Variants in ANO10 observed in about 807,000 individuals in gnomAD.
The protein encoded by ANO10 is anoctamin 10, also known as anoctamin-10.
In ANO10, 77 loss-of-function variants were observed where a neutral mutation model predicts 74.7. That is an observed-to-expected ratio of 1.03 (90% confidence interval 0.86 to 1.25). ANO10 has a LOEUF of 1.25. Ranked by LOEUF, ANO10 falls within the 50% of genes most tolerant of loss-of-function variation. The probability of loss-of-function intolerance (pLI) is 0.00; values close to 1 mark genes in which losing one functional copy is unlikely to be tolerated. For missense variants in ANO10, 721 were observed against 778.1 expected (o/e 0.93, Z 0.87); for synonymous variants, 279 against 284.9 (o/e 0.98, Z 0.21).
At chr3:43,536,083 TAA>T (rs2078697718) in intron 11 of ANO10, among the ~76,000 whole-genome samples, 1 of 152,262 alleles carries the variant, frequency 6.6e-6, no homozygotes, top group Non-Finnish European at 1.5e-5. Context: ...CTTAAACTCT[TAA>T]AAAGTTTCTT....
At chr3:43,575,011 T>C in intron 6 of ANO10, 147 bp from the exon 7 acceptor site, 1 of 703,578 alleles carries the variant, frequency 1.4e-6, no homozygotes, top group East Asian at 2.7e-5. Flanking sequence ...ATCACAGCTA[T>C]GCCTTACCAC....
chr3:43,555,578 G>T, intron 9 of ANO10, 109 bp from the exon 10 acceptor site: 2 of 1,102,194 alleles, frequency 1.8e-6, no homozygotes, highest in Non-Finnish European at 2.6e-6. Context: ...ACCTCAAAGA[G>T]TTTCCCCACC....
chr3:43,609,229 G>C (rs1235012164), intron 1 of ANO10, among the ~76,000 whole-genome samples: 1 of 152,148 alleles, frequency 6.6e-6, no homozygotes, highest in Admixed American at 6.6e-5. Context: ...AGAGTCATTA[G>C]AGATATCCAA....
chr3:43,640,160 T>A (rs2083657183), intron 1 of ANO10, among the ~76,000 whole-genome samples: 1 of 152,324 alleles, frequency 6.6e-6, no homozygotes, highest in South Asian at 2.1e-4. Flanking sequence ...TCTTTATATT[T>A]AATGGGTTTC....
At chr3:43,548,874 G>A (rs546869282) in intron 11 of ANO10, among the ~76,000 whole-genome samples, 72 of 152,102 alleles carry the variant, frequency 4.7e-4, no homozygotes, top group Non-Finnish European at 1.0e-3. Flanking sequence ...AAAGAAAAAC[G>A]TAAAAAGAGC....
At chr3:43,419,644 T>C (rs530211237) in intron 12 of ANO10, among the ~76,000 whole-genome samples, 1 of 152,134 alleles carries the variant, frequency 6.6e-6, no homozygotes, top group South Asian at 2.1e-4. Flanking sequence ...GCCTCCTCAG[T>C]AGCTGGGACT....
intron 7 of ANO10, among the ~76,000 whole-genome samples, chr3:43,567,551 T>G (rs1463677240): frequency 6.6e-6 from 1 of 151,762 alleles, no homozygotes; most frequent in Admixed American, 6.6e-5. Context: ...AGAAAAGAAT[T>G]TTCAACCCAG....
chr3:43,379,997 C>T (rs183368079), intron 12 of ANO10, among the ~76,000 whole-genome samples: 33 of 151,704 alleles, frequency 2.2e-4, no homozygotes, highest in Middle Eastern at 3.4e-3. Context: ...AATAAAAAAC[C>T]ATCACAACTT....
At chr3:43,526,435 C>A (rs1362449054) in intron 11 of ANO10, among the ~76,000 whole-genome samples, 1 of 152,140 alleles carries the variant, frequency 6.6e-6, no homozygotes, top group Non-Finnish European at 1.5e-5. Flanking sequence ...CACGGCAACA[C>A]AGAGGATTAA....
intron 2 of ANO10, among the ~76,000 whole-genome samples, chr3:43,603,499 T>C (rs909903569): frequency 2.6e-5 from 4 of 152,220 alleles, no homozygotes; most frequent in South Asian, 2.1e-4. Flanking sequence ...TCTTGATTTA[T>C]AGATGTTATA....
At chr3:43,607,025 G>A (rs1367022367) in intron 1 of ANO10, among the ~76,000 whole-genome samples, 1 of 152,112 alleles carries the variant, frequency 6.6e-6, no homozygotes, top group Non-Finnish European at 1.5e-5. Flanking sequence ...TTTAGGCTAT[G>A]TGTACAAAGT....
chr3:43,531,822 G>GA (rs1384852066), intron 11 of ANO10, among the ~76,000 whole-genome samples: 1 of 151,930 alleles, frequency 6.6e-6, no homozygotes, highest in Non-Finnish European at 1.5e-5. Flanking sequence ...CTGAGCCCAG[G>GA]AGGCGGAGGT....
At chr3:43,439,674 G>A (rs2093129636) in intron 11 of ANO10, among the ~76,000 whole-genome samples, 2 of 152,048 alleles carry the variant, frequency 1.3e-5, no homozygotes, top group African/African-American at 4.8e-5. Context: ...AGCCCCAGGA[G>A]TTTGAAACCA....
chr3:43,593,238 A>G (rs942286816), intron 4 of ANO10, among the ~76,000 whole-genome samples: 1 of 152,346 alleles, frequency 6.6e-6, no homozygotes, highest in South Asian at 2.1e-4. Context: ...GCCAACATTC[A>G]AATACAGGAA....
chr3:43,564,427 AAG>A (rs2080208191), intron 8 of ANO10, among the ~76,000 whole-genome samples: 1 of 152,148 alleles, frequency 6.6e-6, no homozygotes, highest in East Asian at 1.9e-4. Context: ...AATAGAAAAA[AAG>A]AGCCACCCAT....
intron 10 of ANO10, among the ~76,000 whole-genome samples, chr3:43,551,005 T>C (rs1477213589): frequency 2.6e-5 from 4 of 152,226 alleles, no homozygotes; most frequent in African/African-American, 9.6e-5. Flanking sequence ...TTTAGTCATT[T>C]AAAGTGTCTT....
At chr3:43,668,843 T>C (rs1405011045) in intron 1 of ANO10, among the ~76,000 whole-genome samples, 2 of 152,166 alleles carry the variant, frequency 1.3e-5, no homozygotes, top group Non-Finnish European at 2.9e-5. Flanking sequence ...TTTCTATTTG[T>C]TGTTCTTTTC....
intron 8 of ANO10, among the ~76,000 whole-genome samples, chr3:43,563,428 T>G: frequency 6.6e-6 from 1 of 151,126 alleles, no homozygotes; most frequent in East Asian, 1.9e-4. Context: ...GTTTTTTTTT[T>G]TTTTTTTTTG....
chr3:43,595,785 T>C (rs1046897171), intron 4 of ANO10, among the ~76,000 whole-genome samples: 1 of 152,110 alleles, frequency 6.6e-6, no homozygotes, highest in Non-Finnish European at 1.5e-5. Context: ...GAGAAAGAAA[T>C]AAAGGGTATT....
Sources: allele counts gnomAD v4.1 joint callset (sites outside exome capture counted in the v4.1 genomes callset), GRCh38; gene constraint gnomAD v4.1.1; transcripts MANE v1.5; gene names NCBI Gene and HGNC (gene_info 2026-07-23, HGNC 2026-07-21).